The following CNTN4 variants were observed in gnomAD, a reference collection of about 807,000 sequenced individuals.
CNTN4 encodes contactin-4.
In CNTN4, 77 loss-of-function variants were observed where a neutral mutation model predicts 122.5. The ratio of observed to expected loss-of-function variants is 0.63; its 90% CI spans 0.52 to 0.76. The LOEUF (loss-of-function observed/expected upper bound fraction) is 0.76, where lower values mean the gene tolerates loss of function less well. CNTN4 is among the 30% of genes least tolerant of loss of function. The probability of loss-of-function intolerance (pLI) is 0.00; values close to 1 mark genes in which losing one functional copy is unlikely to be tolerated. For missense variants in CNTN4, 1,256 were observed against 1,259.1 expected, an observed-to-expected ratio of 1.00 and a Z score of 0.04; for synonymous variants, 512 against 447.0, an observed-to-expected ratio of 1.15 and a Z score of -1.83.
chr3:2,569,995 T>C (rs2616586), intron 3 of CNTN4, among the ~76,000 whole-genome samples: 117,622 of 151,584 alleles, frequency 0.78, 45,836 homozygotes, highest in East Asian at 0.92. Flanking sequence ...CTTCACCTTG[T>C]GTCTGGCAAG....
chr3:2,689,751 C>T (rs1393884188), intron 4 of CNTN4, among the ~76,000 whole-genome samples: 2 of 152,040 alleles, frequency 1.3e-5, no homozygotes, highest in African/African-American at 4.8e-5. Flanking sequence ...TGCTCTGGCC[C>T]CAGTTTCCCC....
chr3:2,428,514 T>G (rs1334962500), intron 3 of CNTN4, among the ~76,000 whole-genome samples: 2 of 152,220 alleles, frequency 1.3e-5, no homozygotes, highest in Admixed American at 6.5e-5. Context: ...CATTTTTTCC[T>G]TCATTTCAAC....
intron 6 of CNTN4, among the ~76,000 whole-genome samples, chr3:2,747,622 AAAAC>A (rs1184980989): frequency 5.9e-5 from 9 of 152,244 alleles, no homozygotes; most frequent in South Asian, 4.1e-4. Context: ...AAAACAAAAC[AAAAC>A]AAACAAACAA....
intron 4 of CNTN4, among the ~76,000 whole-genome samples, chr3:2,615,592 T>G (rs2081686924): frequency 6.6e-6 from 1 of 151,984 alleles, no homozygotes; most frequent in South Asian, 2.1e-4. Context: ...AAAAAAAACT[T>G]AGAGGGCTAA....
At chr3:2,187,794 C>A (rs73098021) in intron 2 of CNTN4, among the ~76,000 whole-genome samples, 2,378 of 152,212 alleles carry the variant, frequency 0.016, 61 homozygotes, top group African/African-American at 0.055. Context: ...CATTTTTCTC[C>A]CATGATTATC....
At chr3:2,560,434 G>A (rs1246797412) in intron 3 of CNTN4, among the ~76,000 whole-genome samples, 6 of 152,258 alleles carry the variant, frequency 3.9e-5, no homozygotes, top group African/African-American at 1.4e-4. Context: ...GAGCCACCAT[G>A]CCTGGCCCAC....
chr3:2,218,578 A>G (rs774993001), intron 2 of CNTN4, among the ~76,000 whole-genome samples: 1 of 152,232 alleles, frequency 6.6e-6, no homozygotes, highest in Non-Finnish European at 1.5e-5. Flanking sequence ...CCAAGTCTAA[A>G]CATGTAGAAA....
At chr3:2,960,398 T>C (rs1460186145) in intron 13 of CNTN4, among the ~76,000 whole-genome samples, 1 of 152,232 alleles carries the variant, frequency 6.6e-6, no homozygotes, top group Non-Finnish European at 1.5e-5. Context: ...GTTTTTTTGT[T>C]TTTTGTTTTT....
intron 4 of CNTN4, among the ~76,000 whole-genome samples, chr3:2,677,103 TATAG>T (rs1286328169): frequency 2.0e-5 from 3 of 151,244 alleles, no homozygotes; most frequent in Non-Finnish European, 4.4e-5. Flanking sequence ...TCTCTCTCTC[TATAG>T]ATAGATAGAT....
chr3:2,908,288 C>T (rs1237936019), intron 12 of CNTN4, among the ~76,000 whole-genome samples: 1 of 152,022 alleles, frequency 6.6e-6, no homozygotes, highest in African/African-American at 2.4e-5. Flanking sequence ...ATAGTTCTAC[C>T]CATGTTTAGT....
At chr3:2,602,392 A>G (rs550585087) in intron 4 of CNTN4, among the ~76,000 whole-genome samples, 1 of 152,356 alleles carries the variant, frequency 6.6e-6, no homozygotes, top group Admixed American at 6.5e-5. Flanking sequence ...AACTTCAGCA[A>G]AATCTCAGGA....
intron 2 of CNTN4, among the ~76,000 whole-genome samples, chr3:2,170,943 C>T (rs1427009406): frequency 6.6e-6 from 1 of 152,106 alleles, no homozygotes; most frequent in Non-Finnish European, 1.5e-5. Context: ...CCACTTCAAA[C>T]AAAAGCACAT....
chr3:2,981,581 A>C (rs945306273), intron 13 of CNTN4, among the ~76,000 whole-genome samples: 1 of 152,218 alleles, frequency 6.6e-6, no homozygotes. Context: ...AAAGAATGTA[A>C]TATTAGTGGA....
intron 4 of CNTN4, among the ~76,000 whole-genome samples, chr3:2,705,367 C>CAAA (rs540264724): frequency 6.2e-5 from 3 of 48,304 alleles, no homozygotes; most frequent in Non-Finnish European, 1.3e-4. Flanking sequence ...GACTCCGTCT[C>CAAA]AAAAAAAAAA....
chr3:2,490,401 A>C (rs1400706475), intron 3 of CNTN4, among the ~76,000 whole-genome samples: 1 of 152,200 alleles, frequency 6.6e-6, no homozygotes, highest in Non-Finnish European at 1.5e-5. Flanking sequence ...AGGGGGCACT[A>C]ATAATTGTCT....
intron 2 of CNTN4, among the ~76,000 whole-genome samples, chr3:2,280,479 G>A (rs1482041942): frequency 6.6e-6 from 1 of 152,132 alleles, no homozygotes; most frequent in African/African-American, 2.4e-5. Context: ...CAAATGAAGA[G>A]TAATGTTTCT....
At chr3:2,718,475 C>T (rs968447721) in intron 4 of CNTN4, among the ~76,000 whole-genome samples, 6 of 152,106 alleles carry the variant, frequency 3.9e-5, no homozygotes, top group Non-Finnish European at 8.8e-5. Flanking sequence ...CTTTTCGTGT[C>T]AAGATCCCAA....
At position 2,994,584 on chromosome 3, in the gene CNTN4, C is replaced by T. The variant is rs893540582; in HGVS notation, c.1486+6112C>T. Among the ~76,000 whole-genome samples, 3 of 128,892 alleles carry T rather than the reference C, an allele frequency of 2.3e-5. No individual in the cohort carries two copies. In the East Asian group the frequency reaches 6.2e-4, roughly 27 times the overall value. 84.6% of individuals were successfully genotyped at this position (128,892 alleles called of 152,430 possible). On this transcript the variant is annotated intron_variant, in intron 14 of 24. Coordinates refer to ENST00000418658, the MANE Select transcript of CNTN4 (RefSeq NM_175607.3). ...GAAAGTTTATTTATGTTTAAATCAA[C>T]AGATTTTTTCATATATATATATATA... is the stretch of plus-strand genomic sequence containing the variant.
chr3:2,930,555 T>C (rs1364612255), intron 13 of CNTN4, among the ~76,000 whole-genome samples: 1 of 152,258 alleles, frequency 6.6e-6, no homozygotes, highest in African/African-American at 2.4e-5. Context: ...TTCTTATTCT[T>C]ATGCTTAAGG....
Sources: allele counts gnomAD v4.1 joint callset (sites outside exome capture counted in the v4.1 genomes callset), GRCh38; gene constraint gnomAD v4.1.1; transcripts MANE v1.5; gene names NCBI Gene and HGNC (gene_info 2026-07-23, HGNC 2026-07-21).